Variants in SUN5 observed in about 807,000 individuals in gnomAD.
SUN5 encodes Sad1 and UNC84 domain containing 5.
Under a neutral mutation model 53.7 loss-of-function variants are expected in SUN5, and 44 were observed. The observed-to-expected ratio is 0.82, with a 90% CI of 0.64 to 1.05. SUN5 has a LOEUF of 1.05. SUN5 is among the 50% of genes least tolerant of loss of function. SUN5 has a pLI of 0.00. For synonymous variants in SUN5, 166 were observed against 179.8 expected, an observed-to-expected ratio of 0.92 and a Z score of 0.62; for missense variants, 433 against 483.8, an observed-to-expected ratio of 0.90 and a Z score of 0.98.
At chr20:32,997,862 TAAC>T (rs1279676129) in intron 5 of SUN5, among the ~76,000 whole-genome samples, 175 bp from the exon 6 acceptor site, 2 of 152,134 alleles carry the variant, frequency 1.3e-5, no homozygotes, top group Non-Finnish European at 2.9e-5. Flanking sequence ...AAAATAAGAA[TAAC>T]AATAATATCC....
intron 8 of SUN5, among the ~76,000 whole-genome samples, chr20:32,992,625 T>C (rs1445934706): frequency 2.6e-5 from 4 of 152,208 alleles, no homozygotes; most frequent in Non-Finnish European, 5.9e-5. Context: ...TTAGACATTT[T>C]TGTTCATCAC....
intron 3 of SUN5, among the ~76,000 whole-genome samples, chr20:33,002,096 G>A (rs2146341456): frequency 1.3e-5 from 2 of 152,308 alleles, no homozygotes; most frequent in South Asian, 4.1e-4. Flanking sequence ...AAAAGTAGGG[G>A]ACTCAGAATT....
chr20:32,995,335 T>C (rs1406218235), intron 8 of SUN5, among the ~76,000 whole-genome samples: 1 of 152,216 alleles, frequency 6.6e-6, no homozygotes. Flanking sequence ...CAGTATAAAC[T>C]ATAATAGAGT....
intron 6 of SUN5, 99 bp from the exon 7 acceptor site, chr20:32,996,457 A>G: frequency 9.4e-7 from 1 of 1,064,864 alleles, no homozygotes; most frequent in Non-Finnish European, 1.4e-6. Context: ...ATAAACCCAT[A>G]CATTCATCCA....
chr20:32,996,519 C>T (rs183338682), intron 6 of SUN5, among the ~76,000 whole-genome samples, 161 bp from the exon 7 acceptor site: 1 of 152,190 alleles, frequency 6.6e-6, no homozygotes, highest in Non-Finnish European at 1.5e-5. Flanking sequence ...TCTCCAAACT[C>T]TAATTTACTG....
intron 11 of SUN5, 80 bp downstream of exon 11, chr20:32,985,654 ACT>A: frequency 6.6e-7 from 1 of 1,525,728 alleles, no homozygotes; most frequent in Middle Eastern, 1.9e-4. Context: ...TTGTGCAGAC[ACT>A]GTTTACCCCA....
In SUN5 at chr20:32,995,662, T is replaced by C; in HGVS notation, c.491A>G (p.Gln164Arg). 1.2e-6 allele frequency: 2 copies of C among 1,614,208 alleles called. No individual in the cohort carries two copies. Among genetic ancestry groups the C allele is most frequent in the Middle Eastern group, 1.6e-4 (1 of 6,062 alleles). Residue 164 changes from glutamine (Q) to arginine (R), a missense_variant, in exon 8 of 13, where the codon CAG becomes CGG. Transcript: ENST00000356173. ...EIQDLRGSMN[Q>R]LIAKLQEMEA... Reference sequence around the variant, plus strand: ...CATCTCCTGGAGCTTGGCAATGAGCTGGTTCATGCTACCTCGGAGGTCCTG... The same window carrying C: ...CATCTCCTGGAGCTTGGCAATGAGCCGGTTCATGCTACCTCGGAGGTCCTG...
At position 32,983,923 on chromosome 20, in the gene SUN5, C is replaced by T. The variant is rs769146000; in HGVS notation, c.1011G>A (p.Ala337=). 1.1e-5 allele frequency: 17 copies of T among 1,591,612 alleles called. No homozygotes were observed. The highest frequency in any genetic ancestry group is 9.3e-5 in the South Asian group (8 of 86,108). Residue 337 remains alanine (A), a synonymous_variant, in exon 13 of 13, where the codon GCG becomes GCA. Coordinates refer to ENST00000356173, the MANE Select transcript of SUN5 (RefSeq NM_080675.4). ...AGTTGCTTGAGATCTTCACCTTGAC[C>T]GCACTGAAAGCCCGGGCCGGCTGGT... ...LQNQPARAFS[A]VKVKISSNWG...
chr20:32,999,505 T>C (rs1989942996), intron 5 of SUN5, among the ~76,000 whole-genome samples: 1 of 152,190 alleles, frequency 6.6e-6, no homozygotes, highest in East Asian at 1.9e-4. Flanking sequence ...AGGCAGAGAA[T>C]TGCTTGAACC....
intron 8 of SUN5, among the ~76,000 whole-genome samples, chr20:32,992,231 A>G (rs1989728274): frequency 6.6e-6 from 1 of 152,190 alleles, no homozygotes; most frequent in Non-Finnish European, 1.5e-5. Flanking sequence ...CATTGTAACA[A>G]CCAAATATAT....
At chr20:33,001,933 T>A (rs1029413543) in intron 3 of SUN5, among the ~76,000 whole-genome samples, 3 of 152,142 alleles carry the variant, frequency 2.0e-5, no homozygotes, top group African/African-American at 7.2e-5. Flanking sequence ...ATTACAGGCA[T>A]GAGCCACTGC....
At chr20:33,001,358 G>A in intron 3 of SUN5, 80 bp from the exon 4 acceptor site, 1 of 1,487,604 alleles carries the variant, frequency 6.7e-7, no homozygotes, top group Non-Finnish European at 9.2e-7. Context: ...CCTTTCTGGG[G>A]CTGGGGGAGG....
At chr20:32,998,175 C>CAAAAAAA (rs35729664) in intron 5 of SUN5, among the ~76,000 whole-genome samples, 147 of 59,398 alleles carry the variant, frequency 2.5e-3, no homozygotes, top group East Asian at 6.6e-3. Flanking sequence ...CCCATCTCTA[C>CAAAAAAA]AAAAAAAAAA....
At chr20:32,991,938 G>A (rs1377353073) in intron 8 of SUN5, among the ~76,000 whole-genome samples, 5 of 152,316 alleles carry the variant, frequency 3.3e-5, no homozygotes, top group East Asian at 1.9e-4. Flanking sequence ...AGGCTGCTGC[G>A]TATGGTTGTG....
At chr20:32,999,323 G>A (rs4911282) in intron 5 of SUN5, among the ~76,000 whole-genome samples, 51,223 of 151,884 alleles carry the variant, frequency 0.34, 9,314 homozygotes, top group East Asian at 0.78. Context: ...GGCTGGGCAC[G>A]ATGGCTCACG....
intron 12 of SUN5, 108 bp downstream of exon 12, chr20:32,984,991 G>C (rs150067968): frequency 1.3e-4 from 158 of 1,195,250 alleles, no homozygotes; most frequent in Non-Finnish European, 1.8e-4. Flanking sequence ...GGTTAGTCAT[G>C]ACTGGGCACC....
At position 32,995,501 on chromosome 20, in the gene SUN5, G is replaced by A. The variant is rs1161798379; in HGVS notation, c.534+118C>T. The A allele has an allele frequency of 3.8e-6, 3 of 781,276 alleles. No homozygotes were observed. In the Admixed American group the frequency reaches 7.2e-5, roughly 19 times the overall value. The allele number at this position is 781,276 out of a possible 1,614,324, so 48.4% of individuals were successfully genotyped here. A position where few individuals can be genotyped will look rare whatever the true frequency, so the allele number is the denominator to read the frequency against. On this transcript the variant is annotated intron_variant, in intron 8 of 12. Transcript: ENST00000356173. ...TTTCACTGTATTCCTGAAAGTCACTGGGGGATGTGCTCCCTCAAAATGAGA... is the reference window on the plus strand; with the variant it reads ...TTTCACTGTATTCCTGAAAGTCACTAGGGGATGTGCTCCCTCAAAATGAGA...
chr20:32,994,081 A>T (rs773894599), intron 8 of SUN5, among the ~76,000 whole-genome samples: 3 of 152,342 alleles, frequency 2.0e-5, no homozygotes, highest in South Asian at 2.1e-4. Flanking sequence ...GTGAGGCCTC[A>T]AACATACAGT....
At chr20:33,000,809 C>T (rs1417684999) in intron 4 of SUN5, among the ~76,000 whole-genome samples, 1 of 150,650 alleles carries the variant, frequency 6.6e-6, no homozygotes, top group Non-Finnish European at 1.5e-5. Context: ...GGCACCACCG[C>T]ACTCCAGCCC....
Sources: allele counts gnomAD v4.1 joint callset (sites outside exome capture counted in the v4.1 genomes callset), GRCh38; gene constraint gnomAD v4.1.1; transcripts MANE v1.5; gene names NCBI Gene and HGNC (gene_info 2026-07-23, HGNC 2026-07-21).